Variants in CRHR2 observed in about 807,000 individuals in gnomAD.
CRHR2 encodes corticotropin-releasing hormone receptor 2.
Under a neutral mutation model 57.9 loss-of-function variants are expected in CRHR2, and 53 were observed. The observed-to-expected ratio is 0.92, with a 90% CI of 0.73 to 1.15. CRHR2 has a LOEUF of 1.15. CRHR2 is among the 50% of genes most tolerant of loss of function. The pLI is 0.00. For synonymous variants in CRHR2, 213 were observed against 220.9 expected (o/e 0.96, Z 0.32); for missense variants, 532 against 542.6 (o/e 0.98, Z 0.19).
Position 30,662,814 on chromosome 7 carries a change from A to G in CRHR2, c.577T>C (p.Tyr193His). Residue 193 changes from tyrosine to histidine, a missense_variant, in exon 6 of 12, where the codon TAC becomes CAC. Tyr to His is a moderately conservative substitution (Grantham distance 83). Transcript: ENST00000471646. The stretch of plus-strand genomic sequence containing the variant: ...CAGAAGAAGTTGGTCACCACGAAGT[A>G]GTTGAAGATGGTGGTGATGCAGCGG... The part of the protein sequence containing the change: ...WCRCITTIFN[Y>H]FVVTNFFWMF... 6.2e-7 allele frequency: 1 copy of G among 1,614,230 alleles called. No homozygotes were observed. Among genetic ancestry groups the G allele is most frequent in the Non-Finnish European group, 8.5e-7 (1 of 1,180,034 alleles).
chr7:30,687,988 G>A (rs908712043), intron 2 of CRHR2, among the ~76,000 whole-genome samples: 1 of 152,238 alleles, frequency 6.6e-6, no homozygotes, highest in Non-Finnish European at 1.5e-5. Context: ...ACTAGCTTCA[G>A]ATGGTGTCAC....
intron 5 of CRHR2, among the ~76,000 whole-genome samples, chr7:30,663,325 G>A (rs1285108931): frequency 6.6e-6 from 1 of 152,238 alleles, no homozygotes; most frequent in Non-Finnish European, 1.5e-5. Flanking sequence ...AAGTGGGGCT[G>A]CGGCCAGGGA....
chr7:30,666,001 C>T (rs1263637699), intron 3 of CRHR2, among the ~76,000 whole-genome samples: 1 of 152,174 alleles, frequency 6.6e-6, no homozygotes, highest in Non-Finnish European at 1.5e-5. Flanking sequence ...GCTGGGACTA[C>T]AGACAAGTGC....
Position 30,652,427 on chromosome 7 carries a change from C to G in CRHR2, c.*1033G>C, listed in dbSNP as rs1037171859. 6.6e-6 allele frequency: 1 copy of G among 152,322 alleles called. No individual in the cohort carries two copies. The highest frequency in any genetic ancestry group is 2.4e-5 in the African/African-American group (1 of 41,456). The allele number at this position is 152,322 out of a possible 1,614,324, so 9.4% of individuals were successfully genotyped here. A position where few individuals can be genotyped will look rare whatever the true frequency, so the allele number is the denominator to read the frequency against. On this transcript the variant is annotated 3_prime_UTR_variant, in exon 12 of 12. Coordinates refer to ENST00000471646, the MANE Select transcript of CRHR2 (RefSeq NM_001883.5). This position sits in a 1 kb window ranked among gnomAD's most constrained non-coding sequence, Gnocchi z 4.4. ...GCAGGTGCTTTGACCATAAAGACTC[C>G]AAACCTACCAGAGGTCAGAGAGAGA...
chr7:30,662,944 A>AG (rs1784069342), intron 5 of CRHR2, 97 bp from the exon 6 acceptor site: 12 of 1,441,916 alleles, frequency 8.3e-6, no homozygotes, highest in Admixed American at 4.6e-5. Flanking sequence ...GGCTCCCCAA[A>AG]GGGGGTTCGT....
chr7:30,690,801 A>G (rs747033134), intron 1 of CRHR2, among the ~76,000 whole-genome samples: 12 of 152,054 alleles, frequency 7.9e-5, no homozygotes, highest in Non-Finnish European at 1.8e-4. Context: ...GGCAGACACC[A>G]CTTGGAGGCA....
In CRHR2 at chr7:30,652,484, A is replaced by C. The variant is rs1211508138; in HGVS notation, c.*976T>G. 2 of 152,272 alleles carry C rather than the reference A, an allele frequency of 1.3e-5. No homozygotes were observed. Among genetic ancestry groups the C allele is most frequent in the African/African-American group, 2.4e-5 (1 of 41,460 alleles). The allele number at this position is 152,272 out of a possible 1,614,324, so 9.4% of individuals were successfully genotyped here. A position where few individuals can be genotyped will look rare whatever the true frequency, so the allele number is the denominator to read the frequency against. ...TGGCCCGAGGCCAGGGCCCGAGCCC[A>C]CTAAGGAAGATGGATGTGGCCCCCT... On this transcript the variant is annotated 3_prime_UTR_variant, in exon 12 of 12. Transcript: ENST00000471646. The surrounding 1 kb of genome is among the most constrained non-coding windows in gnomAD (Gnocchi z 4.4).
chr7:30,677,746 G>A (rs1784562876), intron 2 of CRHR2, among the ~76,000 whole-genome samples: 1 of 152,194 alleles, frequency 6.6e-6, no homozygotes, highest in African/African-American at 2.4e-5. Flanking sequence ...CAGGGAGAAA[G>A]CCTCTCCAGA....
chr7:30,658,993 C>G (rs1397018518), intron 8 of CRHR2, among the ~76,000 whole-genome samples: 1 of 152,248 alleles, frequency 6.6e-6, no homozygotes, highest in Non-Finnish European at 1.5e-5. Context: ...AGCCTCTGCT[C>G]TGCTAGCTAT....
At chr7:30,662,349 G>T in intron 6 of CRHR2, 133 bp from the exon 7 acceptor site, 1 of 1,029,336 alleles carries the variant, frequency 9.7e-7, no homozygotes, top group South Asian at 1.5e-5. Flanking sequence ...CACAACCCCA[G>T]GGGTGCCCTG....
At chr7:30,654,567 G>T (rs1033200168) in intron 11 of CRHR2, 1 of 991,846 alleles carries the variant, frequency 1.0e-6, no homozygotes, top group Non-Finnish European at 1.5e-6. Flanking sequence ...TGGGCCTCAT[G>T]ATTGGCTTGC....
At chr7:30,695,781 A>G (rs1785044950) in intron 1 of CRHR2, among the ~76,000 whole-genome samples, 1 of 152,238 alleles carries the variant, frequency 6.6e-6, no homozygotes, top group African/African-American at 2.4e-5. Flanking sequence ...TTGTTAAAGG[A>G]AAGGAATCTG....
intron 1 of CRHR2, among the ~76,000 whole-genome samples, chr7:30,695,520 C>G (rs1454865896): frequency 6.6e-6 from 1 of 151,816 alleles, no homozygotes; most frequent in Non-Finnish European, 1.5e-5. Context: ...GCCCTGGGCC[C>G]TGAACACTGA....
chr7:30,674,849 C>T (rs1784467618), intron 2 of CRHR2, among the ~76,000 whole-genome samples: 2 of 152,000 alleles, frequency 1.3e-5, no homozygotes, highest in African/African-American at 2.4e-5. Context: ...GACATGATGG[C>T]CCCTCCTTCC....
chr7:30,671,831 G>C (rs113555587), intron 2 of CRHR2, among the ~76,000 whole-genome samples: 11 of 83,552 alleles, frequency 1.3e-4, no homozygotes, highest in Non-Finnish European at 2.4e-4. Flanking sequence ...TGATGATGAT[G>C]ATGATGATGA....
intron 1 of CRHR2, among the ~76,000 whole-genome samples, chr7:30,697,636 C>A (rs146808744): frequency 1.1e-3 from 166 of 152,258 alleles, no homozygotes; most frequent in African/African-American, 3.9e-3. Context: ...GGAACCCTTA[C>A]AATTGCAGAT....
chr7:30,682,494 G>A (rs1326627370), upstream of CRHR2: 4 of 1,305,712 alleles, frequency 3.1e-6, no homozygotes, highest in Admixed American at 8.5e-5. Flanking sequence ...AGTGCACGGA[G>A]CTGCGGGTAC....
upstream of CRHR2, among the ~76,000 whole-genome samples, chr7:30,685,745 A>T (rs151159694): frequency 1.0e-3 from 159 of 152,244 alleles, no homozygotes; most frequent in African/African-American, 3.8e-3. Context: ...AGACAAGCAA[A>T]AGAGGTTTCC....
intron 1 of CRHR2, among the ~76,000 whole-genome samples, chr7:30,694,445 A>G (rs559982491): frequency 3.3e-5 from 5 of 152,318 alleles, no homozygotes; most frequent in African/African-American, 1.2e-4. Context: ...ACAGGCCTCA[A>G]AGGTATCGCC....
Sources: gnomAD v4.1 joint callset for allele counts (sites outside exome capture counted in the v4.1 genomes callset) on GRCh38, gnomAD v4.1.1 for gene constraint, Gnocchi (gnomAD v3.1) non-coding constraint, MANE v1.5 for transcripts, NCBI Gene and HGNC (gene_info 2026-07-23, HGNC 2026-07-21) for gene names.